The following MAGI1 variants were observed in gnomAD, a reference collection of about 807,000 sequenced individuals.
MAGI1 encodes membrane associated guanylate kinase, WW and PDZ domain containing 1, also known as membrane-associated guanylate kinase, WW and PDZ domain-containing protein 1.
In MAGI1, 58 loss-of-function variants were observed where a neutral mutation model predicts 139.9. That is an observed-to-expected ratio of 0.41 (90% confidence interval 0.34 to 0.52). The LOEUF (loss-of-function observed/expected upper bound fraction) is 0.52, where lower values mean the gene tolerates loss of function less well. MAGI1 is among the 20% of genes least tolerant of loss of function. The pLI is 0.12. For missense variants in MAGI1, 1,874 were observed against 1,901.6 expected (o/e 0.99, Z 0.27); for synonymous variants, 812 against 737.9 (o/e 1.10, Z -1.63).
In MAGI1 at chr3:66,024,530, G is replaced by A. The variant is rs534690270; in HGVS notation, c.313+13466C>T. Among the ~76,000 whole-genome samples, 238 of 152,202 alleles carry A rather than the reference G, an allele frequency of 1.6e-3. 5 individuals carry two copies. Among genetic ancestry groups the A allele is most frequent in the Non-Finnish European group, 7.1e-4 (48 of 68,018 alleles). Reference sequence around the variant, plus strand: ...TAAAATACTACTCAGTATCCAGCCGGGCGCGGTGGCTCACGCCTGTAATCC... The same window carrying A: ...TAAAATACTACTCAGTATCCAGCCGAGCGCGGTGGCTCACGCCTGTAATCC... On this transcript the variant is annotated intron_variant, in intron 1 of 22. Coordinates refer to ENST00000402939, the MANE Select transcript of MAGI1 (RefSeq NM_001033057.2).
intron 1 of MAGI1, among the ~76,000 whole-genome samples, chr3:65,859,061 G>A (rs2059459248): frequency 6.6e-6 from 1 of 152,168 alleles, no homozygotes; most frequent in African/African-American, 2.4e-5. Flanking sequence ...GGCTAGGCAT[G>A]GTGGCTTACG....
intron 14 of MAGI1, among the ~76,000 whole-genome samples, chr3:65,390,384 G>GA (rs1943823428): frequency 6.6e-6 from 1 of 152,138 alleles, no homozygotes; most frequent in South Asian, 2.1e-4. Context: ...GAAAACATCA[G>GA]AAAACAGCCA....
intron 12 of MAGI1, among the ~76,000 whole-genome samples, chr3:65,426,584 G>A (rs757233714): frequency 1.3e-5 from 2 of 152,076 alleles, no homozygotes; most frequent in South Asian, 2.1e-4. Flanking sequence ...AGAAAGAATC[G>A]GTAAAGTGGG....
intron 5 of MAGI1, among the ~76,000 whole-genome samples, chr3:65,453,645 C>A (rs1431559220): frequency 6.6e-6 from 1 of 152,118 alleles, no homozygotes; most frequent in Non-Finnish European, 1.5e-5. Context: ...ATACCATCTA[C>A]CCTTGTCTAG....
chr3:65,667,264 A>G (rs1170878386), intron 1 of MAGI1, among the ~76,000 whole-genome samples: 1 of 152,214 alleles, frequency 6.6e-6, no homozygotes, highest in East Asian at 1.9e-4. Flanking sequence ...GGTATCAGAG[A>G]TGGGTGGACC....
intron 4 of MAGI1, among the ~76,000 whole-genome samples, chr3:65,476,342 G>A (rs1326561065): frequency 1.3e-5 from 2 of 152,132 alleles, no homozygotes; most frequent in African/African-American, 4.8e-5. Context: ...AGACAAGAAC[G>A]TGAGGAACAC....
At chr3:65,709,339 C>A (rs1465879798) in intron 1 of MAGI1, among the ~76,000 whole-genome samples, 1 of 152,154 alleles carries the variant, frequency 6.6e-6, no homozygotes, top group Admixed American at 6.5e-5. Context: ...GCTTAGCACA[C>A]TGGATTACAG....
At chr3:65,795,581 A>G (rs2040071244) in intron 1 of MAGI1, among the ~76,000 whole-genome samples, 1 of 152,130 alleles carries the variant, frequency 6.6e-6, no homozygotes, top group Non-Finnish European at 1.5e-5. Flanking sequence ...ATGGCCCTGT[A>G]GTATTTCTTA....
rs142043619 is a variant in MAGI1, at chr3:65,439,885, TCTGCTG to T, written c.1258_1263del (p.Gln420_Gln421del). On this transcript the variant is annotated inframe_deletion, in exon 9 of 23. Transcript: ENST00000402939. ...CTAGAGGAAAGAGGCCAACCTTCTGTCTGCTGCTGCTGCTGCTGCTGCTGCTGCTGT... is the reference window on the plus strand; with the variant it reads ...CTAGAGGAAAGAGGCCAACCTTCTGTCTGCTGCTGCTGCTGCTGCTGCTGT... The T allele has an allele frequency of 1.8e-5, 29 of 1,584,852 alleles. 1 individual carries two copies. Among genetic ancestry groups the T allele is most frequent in the East Asian group, 7.1e-5 (3 of 42,468 alleles).
chr3:65,656,377 G>A (rs2085875862), intron 1 of MAGI1, among the ~76,000 whole-genome samples: 1 of 152,174 alleles, frequency 6.6e-6, no homozygotes, highest in South Asian at 2.1e-4. Context: ...GAAATGAGGT[G>A]AAGTCTGGTG....
At chr3:65,625,054 G>A (rs1490849273) in intron 1 of MAGI1, among the ~76,000 whole-genome samples, 1 of 152,128 alleles carries the variant, frequency 6.6e-6, no homozygotes, top group African/African-American at 2.4e-5. Context: ...CATATTTATA[G>A]TAGAGATGGC....
At chr3:65,677,711 T>A (rs1402950549) in intron 1 of MAGI1, among the ~76,000 whole-genome samples, 1 of 152,200 alleles carries the variant, frequency 6.6e-6, no homozygotes, top group Non-Finnish European at 1.5e-5. Context: ...CTCCCACTCT[T>A]TCGTATCCAC....
At chr3:65,429,136 A>C (rs759848728) in intron 12 of MAGI1, among the ~76,000 whole-genome samples, 1 of 152,010 alleles carries the variant, frequency 6.6e-6, no homozygotes, top group African/African-American at 2.4e-5. Context: ...ATATATAAAA[A>C]AACTTTTTAG....
At chr3:65,568,485 G>A (rs1376561680) in intron 2 of MAGI1, among the ~76,000 whole-genome samples, 2 of 152,144 alleles carry the variant, frequency 1.3e-5, no homozygotes, top group Non-Finnish European at 2.9e-5. Flanking sequence ...CTGCGTATGA[G>A]CAAGGAGCTC....
chr3:65,993,581 T>C (rs577732331), intron 1 of MAGI1, among the ~76,000 whole-genome samples: 2 of 152,246 alleles, frequency 1.3e-5, no homozygotes, highest in Admixed American at 6.5e-5. Context: ...TTGTTCACCA[T>C]TGTAGCCTTT....
intron 1 of MAGI1, among the ~76,000 whole-genome samples, chr3:65,884,532 T>G (rs1448800021): frequency 6.6e-6 from 1 of 152,254 alleles, no homozygotes; most frequent in East Asian, 1.9e-4. Flanking sequence ...ATTTTCTAAC[T>G]ACTAAAATAC....
chr3:65,606,675 G>A (rs187770880), intron 2 of MAGI1, among the ~76,000 whole-genome samples: 20 of 152,176 alleles, frequency 1.3e-4, no homozygotes, highest in African/African-American at 4.6e-4. Flanking sequence ...CCACAACCAC[G>A]CCTGGCTAAT....
intron 1 of MAGI1, among the ~76,000 whole-genome samples, chr3:65,710,793 G>A (rs568168060): frequency 2.0e-5 from 3 of 152,142 alleles, no homozygotes; most frequent in Non-Finnish European, 4.4e-5. Context: ...CCAGTGTCCA[G>A]TTCAGCACTT....
chr3:65,787,899 G>T (rs537797577), intron 1 of MAGI1, among the ~76,000 whole-genome samples: 19 of 152,294 alleles, frequency 1.2e-4, no homozygotes, highest in African/African-American at 4.3e-4. Flanking sequence ...GCTCAGGATG[G>T]TTGAAACCAA....
Sources: allele counts gnomAD v4.1 joint callset (sites outside exome capture counted in the v4.1 genomes callset), GRCh38; gene constraint gnomAD v4.1.1; transcripts MANE v1.5; gene names NCBI Gene and HGNC (gene_info 2026-07-23, HGNC 2026-07-21).